VMP1: variants seen among roughly 807,000 people sequenced by gnomAD.
VMP1 encodes vacuole membrane protein 1.
VMP1 carries 11 observed loss-of-function variants against 56.0 expected under a neutral mutation model. That is an observed-to-expected ratio of 0.20 (90% confidence interval 0.12 to 0.32). The LOEUF is 0.32. VMP1 is among the 10% of genes least tolerant of loss of function. The pLI is 1.00. For missense variants in VMP1, 296 were observed against 490.3 expected (o/e 0.60, Z 3.74); for synonymous variants, 149 against 165.0 (o/e 0.90, Z 0.74).
At chr17:59,720,618 A>C (rs1335796788) in intron 1 of VMP1, among the ~76,000 whole-genome samples, 1 of 152,202 alleles carries the variant, frequency 6.6e-6, no homozygotes, top group Non-Finnish European at 1.5e-5. Flanking sequence ...AATATTAAAC[A>C]GCATGGAGAA....
chr17:59,766,137 G>T (rs1041782442), intron 6 of VMP1, among the ~76,000 whole-genome samples: 1 of 151,896 alleles, frequency 6.6e-6, no homozygotes, highest in Non-Finnish European at 1.5e-5. Flanking sequence ...GTGCAATGGC[G>T]CCATCTCGGC....
At chr17:59,729,310 C>T (rs1311328791) in intron 1 of VMP1, among the ~76,000 whole-genome samples, 2 of 152,050 alleles carry the variant, frequency 1.3e-5, no homozygotes, top group East Asian at 3.9e-4. Flanking sequence ...TGGTGAAACC[C>T]CGTCTCTACT....
intron 7 of VMP1, among the ~76,000 whole-genome samples, chr17:59,786,528 A>G (rs568220534): frequency 6.6e-6 from 1 of 152,306 alleles, no homozygotes; most frequent in East Asian, 1.9e-4. Context: ...CTTTAGTACC[A>G]TTTGAAGACT....
At chr17:59,798,419 G>A (rs964685797) in intron 7 of VMP1, among the ~76,000 whole-genome samples, 2 of 152,140 alleles carry the variant, frequency 1.3e-5, no homozygotes, top group Admixed American at 6.6e-5. Context: ...AGTCACAGCT[G>A]CCTCTAGATC....
chr17:59,741,641 A>C (rs753309640), intron 5 of VMP1, among the ~76,000 whole-genome samples: 10 of 152,182 alleles, frequency 6.6e-5, no homozygotes, highest in Admixed American at 2.0e-4. Flanking sequence ...GGTATATAAC[A>C]TGATGTTATA....
chr17:59,724,966 A>T (rs1489541809), intron 1 of VMP1, among the ~76,000 whole-genome samples: 1 of 50,212 alleles, frequency 2.0e-5, no homozygotes, highest in African/African-American at 2.5e-4. Flanking sequence ...ACTCTGTCTC[A>T]AAAAAAAAAA....
chr17:59,730,859 A>G (rs1480320155), intron 1 of VMP1, among the ~76,000 whole-genome samples: 13 of 151,530 alleles, frequency 8.6e-5, no homozygotes, highest in African/African-American at 2.2e-4. Flanking sequence ...TTTTTTGCCC[A>G]TATCATTTTA....
At chr17:59,760,522 A>G (rs1318832287) in intron 5 of VMP1, among the ~76,000 whole-genome samples, 1 of 151,906 alleles carries the variant, frequency 6.6e-6, no homozygotes, top group Non-Finnish European at 1.5e-5. Flanking sequence ...TATCTACTCT[A>G]TTGTTTTTAA....
chr17:59,808,973 A>T, intron 8 of VMP1, 97 bp downstream of exon 8: 6 of 927,308 alleles, frequency 6.5e-6, no homozygotes, highest in Non-Finnish European at 9.7e-6. Context: ...TATCACTTTT[A>T]TTGGGTATGT....
chr17:59,748,890 A>ATT lies in VMP1; in HGVS notation c.414+9945_414+9946dup, dbSNP rs67248900. 1.4e-3 allele frequency among the ~76,000 whole-genome samples: 93 copies of ATT among 65,850 alleles called. 1 individual carries two copies. The East Asian group carries it at 0.03, about 21-fold the overall frequency. The allele number at this position is 65,850 out of a possible 152,430, so 43.2% of individuals were successfully genotyped here. On this transcript the variant is annotated intron_variant, in intron 5 of 11. Coordinates refer to ENST00000262291, the MANE Select transcript of VMP1 (RefSeq NM_030938.5). ...AGTGGATAAATTTATTATTATTATT[A>ATT]TTTATTTTTTTTTTTTGAGACAGAG...
intron 7 of VMP1, among the ~76,000 whole-genome samples, chr17:59,785,560 G>A (rs1314983947): frequency 6.6e-6 from 1 of 151,866 alleles, no homozygotes; most frequent in Non-Finnish European, 1.5e-5. Context: ...CATGATGGCA[G>A]GCATGTGTAA....
In VMP1 at chr17:59,841,191, G is replaced by A; in HGVS notation, c.*1280G>A. 2.4e-6 allele frequency: 1 copy of A among 413,444 alleles called. No homozygotes were observed. The highest frequency in any genetic ancestry group is 1.9e-5 in the South Asian group (1 of 52,074). The allele number at this position is 413,444 out of a possible 1,614,324, so 25.6% of individuals were successfully genotyped here. On this transcript the variant is annotated 3_prime_UTR_variant, in exon 12 of 12. Coordinates refer to ENST00000262291, the MANE Select transcript of VMP1 (RefSeq NM_030938.5). The stretch of plus-strand genomic sequence containing the variant: ...GTTTTTTTGGTTTGTTTTTGTTTTT[G>A]TTTTTTTATCAAATCCTGCCTGACT...
chr17:59,766,053 A>G (rs934996973), intron 6 of VMP1, among the ~76,000 whole-genome samples: 3 of 151,988 alleles, frequency 2.0e-5, no homozygotes, highest in Admixed American at 6.6e-5. Context: ...GTGTGTGTGT[A>G]TATGTATGTA....
intron 11 of VMP1, 53 bp downstream of exon 11, chr17:59,838,450 T>A (rs181256505): frequency 6.4e-7 from 1 of 1,563,802 alleles, no homozygotes; most frequent in East Asian, 2.2e-5. Flanking sequence ...GGGCTGAAAT[T>A]ACATTCACAG....
At chr17:59,752,995 G>A (rs539409163) in intron 5 of VMP1, among the ~76,000 whole-genome samples, 99 of 152,300 alleles carry the variant, frequency 6.5e-4, no homozygotes, top group African/African-American at 2.3e-3. Context: ...CTTAGGCCAG[G>A]TGCAGTGGCT....
intron 1 of VMP1, among the ~76,000 whole-genome samples, chr17:59,724,546 C>T (rs967085745): frequency 2.6e-5 from 4 of 152,120 alleles, no homozygotes; most frequent in Middle Eastern, 3.2e-3. Flanking sequence ...GTGGTGCACA[C>T]ATGTAGTCCC....
At chr17:59,732,064 A>G (rs1020019995) in intron 2 of VMP1, among the ~76,000 whole-genome samples, 2 of 152,126 alleles carry the variant, frequency 1.3e-5, no homozygotes, top group African/African-American at 4.8e-5. Context: ...TCCTTCATGC[A>G]TTTAAAGGAA....
chr17:59,831,871 G>GTGTT (rs1468342643), intron 10 of VMP1, among the ~76,000 whole-genome samples: 1 of 151,378 alleles, frequency 6.6e-6, no homozygotes, highest in African/African-American at 2.4e-5. Flanking sequence ...TGTTGGAAAT[G>GTGTT]TGTTTGTTTG....
At chr17:59,718,390 G>T (rs983426460) in intron 1 of VMP1, among the ~76,000 whole-genome samples, 1 of 151,344 alleles carries the variant, frequency 6.6e-6, no homozygotes, top group African/African-American at 2.4e-5. Flanking sequence ...TAGAGATGGG[G>T]TTTCACCATG....
Sources: gnomAD v4.1 joint callset for allele counts (sites outside exome capture counted in the v4.1 genomes callset) on GRCh38, gnomAD v4.1.1 for gene constraint, MANE v1.5 for transcripts, NCBI Gene and HGNC (gene_info 2026-07-23, HGNC 2026-07-21) for gene names.